Variants in PRDM15 observed in about 807,000 individuals in gnomAD.
PRDM15 encodes PR domain zinc finger protein 15.
A neutral mutation model predicts 128.6 loss-of-function variants in PRDM15; 64 were observed. The observed-to-expected ratio is 0.50, with a 90% CI of 0.41 to 0.61. The LOEUF (loss-of-function observed/expected upper bound fraction) is 0.61. Among genes scored for constraint, PRDM15 ranks in the 20% least tolerant of loss-of-function variants. The probability of loss-of-function intolerance (pLI) is 0.00; values close to 1 mark genes in which losing one functional copy is unlikely to be tolerated. For synonymous variants in PRDM15, 615 were observed against 621.8 expected (o/e 0.99, Z 0.16); for missense variants, 1,242 against 1,569.1 (o/e 0.79, Z 3.52).
chr21:41,836,992 C>T, intron 8 of PRDM15: 1 of 172,328 alleles, frequency 5.8e-6, no homozygotes, highest in East Asian at 1.6e-4. Context: ...CTCTGTTTTA[C>T]ATATTATCTG....
Position 41,800,630 on chromosome 21 carries a change from T to C in PRDM15, c.*610A>G, listed in dbSNP as rs2146113072. On this transcript the variant is annotated 3_prime_UTR_variant, in exon 24 of 24. Transcript: ENST00000398548. ...ATGATGACCGTGATGACCTCGAAGG[T>C]TGCAGGATCAGGTGCGGCTCAGCAC... 1.3e-5 allele frequency: 2 copies of C among 152,258 alleles called. 1 individual carries two copies. The highest frequency in any genetic ancestry group is 4.2e-4 in the South Asian group (2 of 4,816). The allele number at this position is 152,258 out of a possible 1,614,324, so 9.4% of individuals were successfully genotyped here. A position where few individuals can be genotyped will look rare whatever the true frequency, so the allele number is the denominator to read the frequency against.
Position 41,852,315 on chromosome 21 carries a change from G to A in PRDM15, c.538+2251C>T, listed in dbSNP as rs373839030. 3.9e-5 allele frequency among the ~76,000 whole-genome samples: 6 copies of A among 152,238 alleles called. No individual in the cohort carries two copies. The East Asian group carries it at 5.8e-4, about 15-fold the overall frequency. ...GGCGTGGCTGCAGTCTGGGCTGGCC[G>A]TGGGCACACGTGCTGCCAGCTGCCT... On this transcript the variant is annotated intron_variant, in intron 5 of 23. Coordinates refer to ENST00000398548, the MANE Select transcript of PRDM15 (RefSeq NM_001040424.3).
intron 5 of PRDM15, among the ~76,000 whole-genome samples, chr21:41,850,854 C>T: frequency 6.6e-6 from 1 of 152,162 alleles, no homozygotes; most frequent in Admixed American, 6.5e-5. Context: ...AAAGTTTTCT[C>T]TGTATTTAGA....
chr21:41,810,092 A>G lies in PRDM15; in HGVS notation c.2652+62T>C, dbSNP rs2061813630. The G allele has an allele frequency of 5.9e-6, 9 of 1,528,294 alleles. No individual in the cohort carries two copies. The highest frequency in any genetic ancestry group is 6.2e-6 in the Non-Finnish European group (7 of 1,129,174). The allele number at this position is 1,528,294 out of a possible 1,614,324, so 94.7% of individuals were successfully genotyped here. The stretch of plus-strand genomic sequence containing the variant: ...AGAGGGAGGTGGGCCATGTGCCAGC[A>G]TGGGGGTGTCCGGTGCGCGGCCCGC... On this transcript the variant is annotated intron_variant, in intron 21 of 23. Coordinates refer to ENST00000398548, the MANE Select transcript of PRDM15 (RefSeq NM_001040424.3). This position sits in a 1 kb window ranked among gnomAD's most constrained non-coding sequence, Gnocchi z 6.4.
intron 1 of PRDM15, chr21:41,878,918 T>C: frequency 1.1e-6 from 1 of 945,956 alleles, no homozygotes; most frequent in Non-Finnish European, 1.2e-6. Context: ...GCGCTGGGCC[T>C]GGCCGCGGGC....
rs911449252 is a variant in PRDM15 at position 41,832,013 on chromosome 21, G to A, written c.1366+3424C>T. 6.6e-6 allele frequency among the ~76,000 whole-genome samples: 1 copy of A among 152,114 alleles called. No homozygotes were observed. Among genetic ancestry groups the A allele is most frequent in the Non-Finnish European group, 1.5e-5 (1 of 68,026 alleles). Reference sequence around the variant, plus strand: ...GTTTCGTTTTGGCTTAAGATTTGATGGGCTCTGTCCGGATCCACACGACCG... The same window carrying A: ...GTTTCGTTTTGGCTTAAGATTTGATAGGCTCTGTCCGGATCCACACGACCG... On this transcript the variant is annotated intron_variant, in intron 11 of 23. Coordinates refer to ENST00000398548, the MANE Select transcript of PRDM15 (RefSeq NM_001040424.3). The surrounding 1 kb of genome is among the most constrained non-coding windows in gnomAD (Gnocchi z 4.2).
At chr21:41,855,567 A>C (rs2063554279) in intron 4 of PRDM15, among the ~76,000 whole-genome samples, 1 of 152,072 alleles carries the variant, frequency 6.6e-6, no homozygotes, top group South Asian at 2.1e-4. Flanking sequence ...ACCACCAGGC[A>C]CCTAATGACC....
At chr21:41,874,004 G>A (rs1043231685) in intron 1 of PRDM15, among the ~76,000 whole-genome samples, 4 of 150,778 alleles carry the variant, frequency 2.7e-5, no homozygotes, top group African/African-American at 9.8e-5. Context: ...CGAGGTTGCA[G>A]TGAGACGAGA....
At chr21:41,836,329 T>C (rs4920101) in intron 9 of PRDM15, 122 bp from the exon 10 acceptor site, 1 of 1,268,866 alleles carries the variant, frequency 7.9e-7, no homozygotes, top group Non-Finnish European at 1.1e-6. Context: ...GCTGCAGAGA[T>C]GATCGCCCAC....
intron 21 of PRDM15, 63 bp from the exon 22 acceptor site, chr21:41,804,677 A>G (rs2061509234): frequency 7.5e-7 from 1 of 1,329,190 alleles, no homozygotes; most frequent in Non-Finnish European, 1.0e-6. Flanking sequence ...GGGAACCCAG[A>G]AGCCACACAC....
In PRDM15 at chr21:41,828,392, C is replaced by A. The variant is rs2062546811; in HGVS notation, c.1367-59G>T. On this transcript the variant is annotated intron_variant, in intron 11 of 23. Coordinates refer to ENST00000398548, the MANE Select transcript of PRDM15 (RefSeq NM_001040424.3). This position sits in a 1 kb window ranked among gnomAD's most constrained non-coding sequence, Gnocchi z 5.7. The stretch of plus-strand genomic sequence containing the variant: ...TGAGGTAAATAACATCTCACGCAGG[C>A]ACGCACGTGTGGCCTGAACGTCAAT... 1.3e-6 allele frequency: 2 copies of A among 1,578,662 alleles called. No homozygotes were observed. The highest frequency in any genetic ancestry group is 3.3e-5 in the Admixed American group (2 of 59,890).
In PRDM15 at chr21:41,837,914, A is replaced by C; in HGVS notation, c.1001+20T>G. The C allele has an allele frequency of 6.2e-7, 1 of 1,613,928 alleles. No individual in the cohort carries two copies. Among genetic ancestry groups the C allele is most frequent in the Non-Finnish European group, 8.5e-7 (1 of 1,179,854 alleles). Reference sequence around the variant, plus strand: ...CATTGTCTGTCCACAGGACGGCCCCAGGTGCCAGGCAGGACTTACTTTGGA... The same window carrying C: ...CATTGTCTGTCCACAGGACGGCCCCCGGTGCCAGGCAGGACTTACTTTGGA... On this transcript the variant is annotated intron_variant, in intron 8 of 23. Transcript: ENST00000398548.
At chr21:41,877,647 A>C (rs1423095538) in intron 1 of PRDM15, 1 of 152,264 alleles carries the variant, frequency 6.6e-6, no homozygotes, top group Non-Finnish European at 1.5e-5. Flanking sequence ...AATGACATCG[A>C]AAATGATATG....
intron 6 of PRDM15, 65 bp from the exon 7 acceptor site, chr21:41,839,918 G>A: frequency 2.2e-6 from 3 of 1,370,614 alleles, no homozygotes; most frequent in South Asian, 1.2e-5. Flanking sequence ...ACCCACCCTG[G>A]CCTCTGGTTC....
intron 1 of PRDM15, 136 bp from the exon 2 acceptor site, chr21:41,860,508 T>C (rs2063778739): frequency 1.6e-6 from 1 of 644,684 alleles, no homozygotes; most frequent in South Asian, 1.8e-5. Flanking sequence ...CTGCAACCTC[T>C]GCCTCCCAGG....
At chr21:41,857,802 T>C (rs961861017) in intron 3 of PRDM15, among the ~76,000 whole-genome samples, 8 of 152,164 alleles carry the variant, frequency 5.3e-5, no homozygotes, top group Admixed American at 2.0e-4. Flanking sequence ...TAATAGGTGC[T>C]CAATGATGAC....
chr21:41,830,855 C>T (rs571061762), intron 11 of PRDM15, among the ~76,000 whole-genome samples: 4 of 152,360 alleles, frequency 2.6e-5, no homozygotes, highest in African/African-American at 9.6e-5. Flanking sequence ...GACAGCCCCC[C>T]AGTGCCATCT....
chr21:41,834,765 C>T (rs1482183842), intron 11 of PRDM15, among the ~76,000 whole-genome samples: 1 of 152,218 alleles, frequency 6.6e-6, no homozygotes, highest in African/African-American at 2.4e-5. Context: ...GCAGGACGGC[C>T]TTGGCTTTCC....
chr21:41,829,837 AAC>A (rs2062620651), intron 11 of PRDM15, among the ~76,000 whole-genome samples: 1 of 151,354 alleles, frequency 6.6e-6, no homozygotes, highest in South Asian at 2.1e-4. Context: ...ACACACATTC[AAC>A]ACACACCATA....
Sources: allele counts gnomAD v4.1 joint callset (sites outside exome capture counted in the v4.1 genomes callset), GRCh38; gene constraint gnomAD v4.1.1; non-coding constraint Gnocchi (gnomAD v3.1); transcripts MANE v1.5; gene names NCBI Gene and HGNC (gene_info 2026-07-23, HGNC 2026-07-21).